The following TESPA1 variants were observed in gnomAD, a reference collection of about 807,000 sequenced individuals.
The protein encoded by TESPA1 is protein TESPA1.
Under a neutral mutation model 57.9 loss-of-function variants are expected in TESPA1, and 33 were observed. The ratio of observed to expected loss-of-function variants is 0.57; its 90% CI spans 0.43 to 0.76. The LOEUF is 0.76. Ranked by LOEUF, TESPA1 falls within the 30% of genes least tolerant of loss-of-function variation. TESPA1 has a pLI of 0.00. For missense variants in TESPA1, 618 were observed against 632.9 expected, an observed-to-expected ratio of 0.98 and a Z score of 0.25; for synonymous variants, 227 against 228.9, an observed-to-expected ratio of 0.99 and a Z score of 0.07.
chr12:54,962,910 G>A lies in TESPA1; in HGVS notation c.988C>T (p.Leu330Phe), dbSNP rs1172751155. 10 of 1,613,658 alleles carry A rather than the reference G, an allele frequency of 6.2e-6. No homozygotes were observed. Among genetic ancestry groups the A allele is most frequent in the Admixed American group, 1.7e-5 (1 of 59,986 alleles). Residue 330 changes from leucine (L) to phenylalanine (F), a missense_variant, in exon 9 of 11, where the codon CTC becomes TTC. This residue lies in a region of TESPA1 where 409 missense variants were observed against 420.1 expected (regional missense o/e 0.97). Transcript: ENST00000449076. ...TGCCCCAAATCAGAGTCTTGCTGGAGGAACTGCTTCTCTTCTTTCACTTTG... is the reference window on the plus strand; with the variant it reads ...TGCCCCAAATCAGAGTCTTGCTGGAAGAACTGCTTCTCTTCTTTCACTTTG... ...MDKVKEEKQF[L>F]QQDSDLGQFS...
At chr12:54,963,646 A>G (rs1373627118) in intron 8 of TESPA1, 96 bp downstream of exon 8, 1 of 1,344,398 alleles carries the variant, frequency 7.4e-7, no homozygotes. Flanking sequence ...AGGGTTAAAG[A>G]TAACCAAGAG....
At chr12:54,982,496 T>A (rs1230676416) in intron 1 of TESPA1, among the ~76,000 whole-genome samples, 1 of 152,258 alleles carries the variant, frequency 6.6e-6, no homozygotes, top group Non-Finnish European at 1.5e-5. Flanking sequence ...TCCTTCCCTT[T>A]CTTCCTTACT....
In TESPA1 at chr12:54,950,370, T is replaced by A. The variant is rs1258040971; in HGVS notation, c.*22A>T. 1 of 456,656 alleles carries A rather than the reference T, an allele frequency of 2.2e-6. No homozygotes were observed. The highest frequency in any genetic ancestry group is 6.9e-5 in the East Asian group (1 of 14,390). 28.3% of individuals were successfully genotyped at this position (456,656 alleles called of 1,614,324 possible). ...AAGCCAATTCTGTCAGACCACATGCTGTTGTGGTGGTGGAGAAAGCCTGCA... is the reference window on the plus strand; with the variant it reads ...AAGCCAATTCTGTCAGACCACATGCAGTTGTGGTGGTGGAGAAAGCCTGCA... On this transcript the variant is annotated 3_prime_UTR_variant, in exon 11 of 11. Coordinates refer to ENST00000449076, the MANE Select transcript of TESPA1 (RefSeq NM_001136030.3).
chr12:54,964,867 CT>C (rs1951326243), intron 7 of TESPA1, among the ~76,000 whole-genome samples: 1 of 152,176 alleles, frequency 6.6e-6, no homozygotes, highest in South Asian at 2.1e-4. Context: ...TTAGGGTCAC[CT>C]TTGCAGGCTT....
rs189496177 is a variant in TESPA1 at position 54,956,287 on chromosome 12, C to T, written c.*1+4881G>A. Among the ~76,000 whole-genome samples the T allele has an allele frequency of 3.9e-5, 6 of 152,236 alleles. No homozygotes were observed. The East Asian group carries it at 1.2e-3, about 29-fold the overall frequency. On this transcript the variant is annotated intron_variant, in intron 10 of 10. Transcript: ENST00000449076. ...GTCCCTCCTGTCTCTTCTGCTGCCA[C>T]CAGCAGGGGTGACCATAAAAATGAA... is the stretch of plus-strand genomic sequence containing the variant.
Position 54,962,922 on chromosome 12 carries a change from C to CTTA in TESPA1, c.975_976insTAA (p.Glu325_Glu326insTer). On this transcript the variant is annotated stop_gained and inframe_insertion, in exon 9 of 11. Coordinates refer to ENST00000449076, the MANE Select transcript of TESPA1 (RefSeq NM_001136030.3). LOFTEE classifies it high-confidence loss of function. Reference sequence around the variant, plus strand: ...GAGTCTTGCTGGAGGAACTGCTTCTCTTCTTTCACTTTGTCCATCACTTCC... The same window carrying CTTA: ...GAGTCTTGCTGGAGGAACTGCTTCTCTTATTCTTTCACTTTGTCCATCACTTCC... 1 of 1,613,766 alleles carries CTTA rather than the reference C, an allele frequency of 6.2e-7. No individual in the cohort carries two copies. Among genetic ancestry groups the CTTA allele is most frequent in the Non-Finnish European group, 8.5e-7 (1 of 1,179,834 alleles).
At chr12:54,977,275 G>A (rs540917850) in intron 1 of TESPA1, among the ~76,000 whole-genome samples, 34 of 152,204 alleles carry the variant, frequency 2.2e-4, no homozygotes, top group Non-Finnish European at 4.4e-4. Context: ...TGAATGTTTA[G>A]AAGGTGCCCT....
intron 10 of TESPA1, among the ~76,000 whole-genome samples, chr12:54,957,009 C>CA (rs954322934): frequency 6.6e-6 from 1 of 152,184 alleles, no homozygotes; most frequent in African/African-American, 2.4e-5. Flanking sequence ...CTCAGCACTG[C>CA]ATGGGGGGTT....
rs1447305822 is a variant in TESPA1, at chr12:54,950,381, T to C, written c.*11A>G. On this transcript the variant is annotated 3_prime_UTR_variant, in exon 11 of 11. Coordinates refer to ENST00000449076, the MANE Select transcript of TESPA1 (RefSeq NM_001136030.3). The stretch of plus-strand genomic sequence containing the variant: ...GTCAGACCACATGCTGTTGTGGTGG[T>C]GGAGAAAGCCTGCAATGGGAATAAA... The C allele has an allele frequency of 1.1e-5, 5 of 455,830 alleles. No individual in the cohort carries two copies. The highest frequency in any genetic ancestry group is 1.8e-5 in the Non-Finnish European group (4 of 226,692). The allele number at this position is 455,830 out of a possible 1,614,324, so 28.2% of individuals were successfully genotyped here.
rs749384098 is a variant in TESPA1, at chr12:54,963,043, T to C, written c.855A>G (p.Lys285=). Residue 285 remains lysine, a synonymous_variant, in exon 9 of 11, where the codon AAA becomes AAG. Coordinates refer to ENST00000449076, the MANE Select transcript of TESPA1 (RefSeq NM_001136030.3). The part of the protein sequence containing the change: ...EPQSPRDRLR[K]AISKMCLYTC... The stretch of plus-strand genomic sequence containing the variant: ...TGTACAGACACATCTTGGAGATGGC[T>C]TTCCGAAGGCGGTCTCTGGGTGACT... 1 of 1,613,960 alleles carries C rather than the reference T, an allele frequency of 6.2e-7. No homozygotes were observed. The highest frequency in any genetic ancestry group is 1.1e-5 in the South Asian group (1 of 91,078).
intron 10 of TESPA1, among the ~76,000 whole-genome samples, chr12:54,950,986 C>T (rs1204870193): frequency 1.3e-5 from 2 of 151,948 alleles, no homozygotes; most frequent in Admixed American, 1.3e-4. Context: ...ATATCTGTCA[C>T]ACTACTTTAT....
chr12:54,967,853 A>T lies in TESPA1; in HGVS notation c.246T>A (p.Phe82Leu), dbSNP rs1261786612. ...AGAACCTATACTCACCATTGTAGAT[A>T]AACTGTCCTGCTTCCTCAGAAAATC... ...EEGFSEEAGQ[F>L]IYNGFCSHGT... The change falls in exon 4 of 11, where the codon TTT becomes TTA. Residue 82 changes from phenylalanine to leucine, a missense_variant. Physicochemically the swap from Phe to Leu is conservative, Grantham distance 22. Transcript: ENST00000449076. 1 of 1,613,740 alleles carries T rather than the reference A, an allele frequency of 6.2e-7. No homozygotes were observed. Among genetic ancestry groups the T allele is most frequent in the Admixed American group, 1.7e-5 (1 of 60,012 alleles).
intron 1 of TESPA1, among the ~76,000 whole-genome samples, chr12:54,977,057 T>A (rs1013930885): frequency 6.6e-6 from 1 of 152,008 alleles, no homozygotes; most frequent in Non-Finnish European, 1.5e-5. Context: ...CACTGGGCTC[T>A]TTCTCTGCTT....
intron 1 of TESPA1, among the ~76,000 whole-genome samples, chr12:54,977,071 T>G (rs966964307): frequency 6.6e-6 from 1 of 151,940 alleles, no homozygotes; most frequent in African/African-American, 2.4e-5. Flanking sequence ...TCTGCTTGAT[T>G]TTTTTCTTCT....
chr12:54,981,735 C>T (rs980767762), intron 1 of TESPA1: 1 of 152,158 alleles, frequency 6.6e-6, no homozygotes, highest in Admixed American at 6.5e-5. Flanking sequence ...CCTGGAGTCA[C>T]AAAGAATATT....
At chr12:54,964,209 G>C (rs112481600) in intron 7 of TESPA1, among the ~76,000 whole-genome samples, 1 of 152,058 alleles carries the variant, frequency 6.6e-6, no homozygotes, top group African/African-American at 2.4e-5. Flanking sequence ...TATTGCAGAC[G>C]AATAAAAATT....
chr12:54,960,417 G>C (rs909330360), intron 10 of TESPA1, among the ~76,000 whole-genome samples: 1 of 152,154 alleles, frequency 6.6e-6, no homozygotes, highest in African/African-American at 2.4e-5. Context: ...GGAGGGGAGG[G>C]AGAGCTACCT....
At chr12:54,971,461 A>G (rs1951826658) in intron 3 of TESPA1, among the ~76,000 whole-genome samples, 1 of 152,252 alleles carries the variant, frequency 6.6e-6, no homozygotes. Context: ...GCAATTAAGA[A>G]GTATTACACA....
In TESPA1 at chr12:54,963,908, ATCT is replaced by A. The variant is rs1951248201; in HGVS notation, c.486_488del (p.Glu162del). 6.2e-7 allele frequency: 1 copy of A among 1,613,916 alleles called. No individual in the cohort carries two copies. Among genetic ancestry groups the A allele is most frequent in the South Asian group, 1.1e-5 (1 of 91,090 alleles). ...GGCCAAAGCCCAGACTGAAGAGGAC[ATCT>A]TCTGCATCTTCTTGCACTTTGTCCA... On this transcript the variant is annotated inframe_deletion, in exon 8 of 11. Transcript: ENST00000449076.
Sources: gnomAD v4.1 joint callset for allele counts (sites outside exome capture counted in the v4.1 genomes callset) on GRCh38, gnomAD v4.1.1 for gene constraint, gnomAD v4.1.1 regional missense constraint, MANE v1.5 for transcripts, NCBI Gene and HGNC (gene_info 2026-07-23, HGNC 2026-07-21) for gene names.